DGKB: variants seen among roughly 807,000 people sequenced by gnomAD.
The protein encoded by DGKB is 90 kDa diacylglycerol kinase.
In DGKB, 67 loss-of-function variants were observed where a neutral mutation model predicts 114.3. That is an observed-to-expected ratio of 0.59 (90% CI 0.48 to 0.72). The LOEUF (loss-of-function observed/expected upper bound fraction) is 0.72, where lower values mean the gene tolerates loss of function less well. DGKB is among the 30% of genes least tolerant of loss of function. DGKB has a pLI of 0.00. For missense variants in DGKB, 907 were observed against 975.2 expected (o/e 0.93, Z 0.93); for synonymous variants, 398 against 323.1 (o/e 1.23, Z -2.49).
At chr7:14,789,067 C>T (rs1562537751) in intron 2 of DGKB, among the ~76,000 whole-genome samples, 1 of 151,630 alleles carries the variant, frequency 6.6e-6, no homozygotes, top group Admixed American at 6.6e-5. Context: ...TGCAGCTTAC[C>T]ACTGGAGGAA....
Position 14,146,510 on chromosome 7 carries a change from A to G in DGKB, c.*2621T>C, listed in dbSNP as rs1781491827. ...AAGTTTCCATCTTGTAAAGCTAACA[A>G]CATTCATCATTCAATATTTTAATAT... On this transcript the variant is annotated 3_prime_UTR_variant, in exon 26 of 26. Transcript: ENST00000402815. 2 of 152,180 alleles carry G rather than the reference A, an allele frequency of 1.3e-5. No homozygotes were observed. Among genetic ancestry groups the G allele is most frequent in the African/African-American group, 2.4e-5 (1 of 41,458 alleles). 9.4% of individuals were successfully genotyped at this position (152,180 alleles called of 1,614,324 possible). A position where few individuals can be genotyped will look rare whatever the true frequency, so the allele number is the denominator to read the frequency against.
chr7:14,583,138 C>G lies in DGKB; in HGVS notation c.1434-1G>C. On this transcript the variant is annotated splice_acceptor_variant, in intron 17 of 25. Coordinates refer to ENST00000402815, the MANE Select transcript of DGKB (RefSeq NM_001350709.2). LOFTEE classifies it high-confidence loss of function. ...AGGAACATCACGGAAAAAGTTTAACCTGAAAAATAAGCATGTTATGGCACA... is the reference window on the plus strand; with the variant it reads ...AGGAACATCACGGAAAAAGTTTAACGTGAAAAATAAGCATGTTATGGCACA... The G allele has an allele frequency of 6.2e-7, 1 of 1,602,838 alleles. No individual in the cohort carries two copies. The highest frequency in any genetic ancestry group is 2.2e-5 in the East Asian group (1 of 44,602).
intron 19 of DGKB, 103 bp from the exon 20 acceptor site, chr7:14,574,475 A>G (rs1014786339): frequency 1.0e-6 from 1 of 952,652 alleles, no homozygotes; most frequent in Non-Finnish European, 1.5e-6. Context: ...TTCTAAAGGT[A>G]AATAATGATT....
At chr7:14,502,396 A>G (rs1786337330) in intron 20 of DGKB, among the ~76,000 whole-genome samples, 1 of 152,018 alleles carries the variant, frequency 6.6e-6, no homozygotes, top group Non-Finnish European at 1.5e-5. Flanking sequence ...AAAGAAAAAA[A>G]CATCCAGCTA....
At chr7:14,452,971 C>A (rs1463106918) in intron 21 of DGKB, among the ~76,000 whole-genome samples, 1 of 152,064 alleles carries the variant, frequency 6.6e-6, no homozygotes, top group Non-Finnish European at 1.5e-5. Flanking sequence ...TCTTACAGAA[C>A]GTATGTGTTC....
intron 2 of DGKB, among the ~76,000 whole-genome samples, chr7:14,776,338 G>T (rs994989855): frequency 6.6e-6 from 1 of 152,244 alleles, no homozygotes; most frequent in Non-Finnish European, 1.5e-5. Flanking sequence ...GTAACAAGGA[G>T]CTGAATGTTA....
chr7:14,226,238 C>T (rs555573463), intron 23 of DGKB, among the ~76,000 whole-genome samples: 1 of 152,026 alleles, frequency 6.6e-6, no homozygotes, highest in East Asian at 1.9e-4. Context: ...CTATTACAAA[C>T]ATATAATCCC....
intron 21 of DGKB, among the ~76,000 whole-genome samples, chr7:14,468,626 C>A (rs1248231409): frequency 6.6e-6 from 1 of 151,152 alleles, no homozygotes; most frequent in Admixed American, 6.6e-5. Context: ...AAATAATTTT[C>A]TTTGTGTTTT....
chr7:14,296,318 C>A (rs2108512), intron 23 of DGKB, among the ~76,000 whole-genome samples: 68 of 152,226 alleles, frequency 4.5e-4, no homozygotes, highest in African/African-American at 1.6e-3. Flanking sequence ...GCGTGAGCCA[C>A]CATGCCCAGC....
chr7:14,932,709 T>C (rs149687441), intron 1 of DGKB, among the ~76,000 whole-genome samples: 22 of 152,222 alleles, frequency 1.4e-4, no homozygotes, highest in African/African-American at 4.8e-4. Flanking sequence ...CAAAACAATA[T>C]AGGATCTAAA....
intron 13 of DGKB, among the ~76,000 whole-genome samples, chr7:14,663,589 C>G (rs1385483353): frequency 1.3e-5 from 2 of 150,736 alleles, no homozygotes; most frequent in African/African-American, 4.9e-5. Context: ...CCTTTTCTTT[C>G]CTTCTCTTCT....
chr7:14,857,749 T>C (rs751558259), intron 1 of DGKB, among the ~76,000 whole-genome samples: 1 of 152,098 alleles, frequency 6.6e-6, no homozygotes, highest in East Asian at 1.9e-4. Context: ...TTTTCATATA[T>C]AGCTTCTTTG....
intron 20 of DGKB, among the ~76,000 whole-genome samples, chr7:14,492,889 T>A (rs941354968): frequency 2.0e-5 from 3 of 152,078 alleles, no homozygotes; most frequent in African/African-American, 7.2e-5. Flanking sequence ...AATTATACTG[T>A]TTGTAGGCTG....
At chr7:14,385,740 GTGA>G (rs1194155971) in intron 21 of DGKB, among the ~76,000 whole-genome samples, 2 of 152,164 alleles carry the variant, frequency 1.3e-5, no homozygotes, top group Admixed American at 1.3e-4. Flanking sequence ...AAATAAACTG[GTGA>G]TATATGAATG....
intron 21 of DGKB, among the ~76,000 whole-genome samples, chr7:14,405,973 C>G (rs1823870902): frequency 6.6e-6 from 1 of 151,868 alleles, no homozygotes; most frequent in Non-Finnish European, 1.5e-5. Flanking sequence ...CTATCTTTAG[C>G]TTGAAGGAGA....
intron 21 of DGKB, among the ~76,000 whole-genome samples, chr7:14,438,615 T>C (rs771344687): frequency 1.3e-5 from 2 of 152,016 alleles, no homozygotes; most frequent in Non-Finnish European, 2.9e-5. Context: ...GTGGGTGAGA[T>C]TTCAATGAAC....
intron 17 of DGKB, among the ~76,000 whole-genome samples, chr7:14,595,721 C>A (rs1319118419): frequency 6.6e-6 from 1 of 151,618 alleles, no homozygotes; most frequent in Non-Finnish European, 1.5e-5. Context: ...AATTAGTAAA[C>A]TGCTTAATGC....
At chr7:14,163,760 C>G (rs1308295860) in intron 25 of DGKB, among the ~76,000 whole-genome samples, 1 of 151,976 alleles carries the variant, frequency 6.6e-6, no homozygotes, top group South Asian at 2.1e-4. Context: ...TGTGGGAGGC[C>G]GAGGCAGGCA....
chr7:14,268,767 A>G (rs958906202), intron 23 of DGKB: 2 of 152,184 alleles, frequency 1.3e-5, no homozygotes, highest in Non-Finnish European at 2.9e-5. Flanking sequence ...TATACTGGAC[A>G]TTTTATGTAT....
Sources: gnomAD v4.1 joint callset for allele counts (sites outside exome capture counted in the v4.1 genomes callset) on GRCh38, gnomAD v4.1.1 for gene constraint, MANE v1.5 for transcripts, NCBI Gene and HGNC (gene_info 2026-07-23, HGNC 2026-07-21) for gene names.